The following SETD5 variants were observed in gnomAD, a reference collection of about 807,000 sequenced individuals.
The protein encoded by SETD5 is histone-lysine N-methyltransferase SETD5.
SETD5 carries 44 observed loss-of-function variants against 153.3 expected under a neutral mutation model. That is an observed-to-expected ratio of 0.29 (90% CI 0.23 to 0.37). The LOEUF is 0.37. SETD5 is among the 10% of genes least tolerant of loss of function. The pLI is 1.00. For missense variants in SETD5, 1,544 were observed against 1,768.0 expected (o/e 0.87, Z 2.27); for synonymous variants, 716 against 645.2 (o/e 1.11, Z -1.66).
In SETD5 at chr3:9,473,393, C is replaced by G. The variant is rs1414052508; in HGVS notation, c.3353C>G (p.Ser1118Cys). ...ACTGGTGCCCATGGTGTGCAGGGAT[C>G]CTCAGCCCGAACTCCATCTTCCCCT... ...SDTGAHGVQG[S>C]SARTPSSPHK... The change falls in exon 20 of 23, where the codon TCC (serine) becomes TGC (cysteine). Residue 1118 changes from serine to cysteine, a missense_variant. Transcript: ENST00000402198. 1 of 1,613,794 alleles carries G rather than the reference C, an allele frequency of 6.2e-7. No homozygotes were observed. Among genetic ancestry groups the G allele is most frequent in the Non-Finnish European group, 8.5e-7 (1 of 1,179,884 alleles).
At chr3:9,409,981 A>G (rs558387845) in intron 1 of SETD5, among the ~76,000 whole-genome samples, 1 of 152,184 alleles carries the variant, frequency 6.6e-6, no homozygotes, top group African/African-American at 2.4e-5. Flanking sequence ...TTGTTTTCTC[A>G]TGTCTTTTTG....
intron 16 of SETD5, among the ~76,000 whole-genome samples, chr3:9,450,100 G>A (rs576834738): frequency 1.2e-4 from 19 of 152,286 alleles, no homozygotes; most frequent in Non-Finnish European, 2.4e-4. Flanking sequence ...GAGACTTAAC[G>A]AAAACCAAAA....
intron 17 of SETD5, among the ~76,000 whole-genome samples, chr3:9,463,838 A>G (rs776937781): frequency 6.6e-6 from 1 of 152,242 alleles, no homozygotes; most frequent in Non-Finnish European, 1.5e-5. Flanking sequence ...AACTCAATGT[A>G]AAAGAAAGAA....
chr3:9,466,479 T>C (rs1273235634), intron 18 of SETD5, among the ~76,000 whole-genome samples: 1 of 151,952 alleles, frequency 6.6e-6, no homozygotes, highest in Non-Finnish European at 1.5e-5. Flanking sequence ...ATACAGTCCA[T>C]GCATAATGTT....
chr3:9,421,726 C>A (rs1273052532), intron 1 of SETD5, among the ~76,000 whole-genome samples: 1 of 152,052 alleles, frequency 6.6e-6, no homozygotes, highest in Non-Finnish European at 1.5e-5. Flanking sequence ...CTACTTTAAC[C>A]CTTTTGAAAT....
At chr3:9,447,634 T>A (rs2042168941) in intron 14 of SETD5, 52 bp from the exon 15 acceptor site, 1 of 1,561,024 alleles carries the variant, frequency 6.4e-7, no homozygotes, top group African/African-American at 1.4e-5. Context: ...GAAATTAGAC[T>A]GTTTGCTGAT....
intron 2 of SETD5, among the ~76,000 whole-genome samples, chr3:9,425,726 C>G (rs1484654881): frequency 6.6e-6 from 1 of 152,096 alleles, no homozygotes; most frequent in African/African-American, 2.4e-5. Context: ...CAGGCATATG[C>G]CAACATGCCC....
chr3:9,423,046 C>G (rs560912247), intron 1 of SETD5, among the ~76,000 whole-genome samples: 3 of 152,354 alleles, frequency 2.0e-5, no homozygotes, highest in South Asian at 2.1e-4. Flanking sequence ...GGACTTTTGT[C>G]TGCCAGCTGC....
intron 3 of SETD5, chr3:9,430,593 T>G (rs953771475): frequency 5.2e-6 from 1 of 193,456 alleles, no homozygotes; most frequent in Non-Finnish European, 9.5e-6. Context: ...TAGGTTTTTA[T>G]AAAGTCAGCT....
chr3:9,445,414 A>G, intron 12 of SETD5, 114 bp downstream of exon 12: 2 of 1,151,554 alleles, frequency 1.7e-6, no homozygotes, highest in Non-Finnish European at 2.5e-6. Flanking sequence ...AGTGCCCTTT[A>G]TATCAATGTG....
At chr3:9,469,093 A>T (rs1276193577) in intron 18 of SETD5, among the ~76,000 whole-genome samples, 1 of 152,154 alleles carries the variant, frequency 6.6e-6, no homozygotes, top group African/African-American at 2.4e-5. Context: ...AGGGAAAGTC[A>T]TTCTGTCTTT....
At position 9,429,016 on chromosome 3, in the gene SETD5, G is replaced by C. The variant is rs1408374093; in HGVS notation, c.71+7G>C. 1.9e-6 allele frequency: 3 copies of C among 1,607,976 alleles called. No individual in the cohort carries two copies. In the South Asian group the frequency reaches 3.3e-5, roughly 18 times the overall value. On this transcript the variant is annotated splice_region_variant and intron_variant, in intron 3 of 22. Transcript: ENST00000402198. ...ATATGGCTGCTGGATCAGAGTAAGT[G>C]CTACTTTCTAGGTAGTAGGTACATT...
At chr3:9,441,078 G>C (rs1002972504) in intron 8 of SETD5, among the ~76,000 whole-genome samples, 3 of 151,972 alleles carry the variant, frequency 2.0e-5, no homozygotes, top group African/African-American at 7.3e-5. Flanking sequence ...CCGTTGTGAT[G>C]ATACACACCT....
Position 9,448,026 on chromosome 3 carries a change from T to C in SETD5, c.2103+20T>C. The C allele has an allele frequency of 6.2e-7, 1 of 1,601,620 alleles. No homozygotes were observed. The highest frequency in any genetic ancestry group is 1.1e-5 in the South Asian group (1 of 89,582). On this transcript the variant is annotated intron_variant, in intron 15 of 22. Transcript: ENST00000402198. ...AAAAAGGTAAGTCACAAATGCATCC[T>C]TTATAAGTCCAGTCTGGCAAGGGCT...
At position 9,435,729 on chromosome 3, in the gene SETD5, T is replaced by C. The variant is rs765394937; in HGVS notation, c.390T>C (p.Gly130=). ...AACTATGAAATCATCATTTTTCAGGTGGGGATAGCAGTGCAACAGAAAGCT... is the reference window on the plus strand; with the variant it reads ...AACTATGAAATCATCATTTTTCAGGCGGGGATAGCAGTGCAACAGAAAGCT... The part of the protein sequence containing the change: ...LHRRKQDNIS[G]GDSSATESWD... Residue 130 remains glycine (G), a splice_region_variant and synonymous_variant, in exon 7 of 23, where the codon GGT becomes GGC. Transcript: ENST00000402198. The C allele has an allele frequency of 1.3e-6, 2 of 1,569,178 alleles. No homozygotes were observed. The highest frequency in any genetic ancestry group is 4.0e-5 in the Admixed American group (2 of 50,076).
chr3:9,473,910 C>T (rs564071903), intron 20 of SETD5, among the ~76,000 whole-genome samples: 52 of 152,320 alleles, frequency 3.4e-4, no homozygotes, highest in African/African-American at 1.0e-3. Flanking sequence ...CTCTTCCACA[C>T]AGCTAGCATA....
intron 7 of SETD5, among the ~76,000 whole-genome samples, chr3:9,439,168 G>A (rs868187262): frequency 1.3e-5 from 2 of 152,186 alleles, no homozygotes; most frequent in Non-Finnish European, 2.9e-5. Context: ...CTATTCTTTT[G>A]CGCAACTGCT....
intron 1 of SETD5, among the ~76,000 whole-genome samples, chr3:9,413,697 A>T (rs1036056574): frequency 8.3e-4 from 119 of 144,132 alleles, no homozygotes; most frequent in Middle Eastern, 3.6e-3. Flanking sequence ...TTATTTATTT[A>T]TTTTTTTAAG....
At chr3:9,437,381 A>G (rs1029898983) in intron 7 of SETD5, among the ~76,000 whole-genome samples, 3 of 152,164 alleles carry the variant, frequency 2.0e-5, no homozygotes, top group African/African-American at 7.2e-5. Flanking sequence ...CAAATAAAAG[A>G]GTTTATGAAG....
Sources: allele counts gnomAD v4.1 joint callset (sites outside exome capture counted in the v4.1 genomes callset), GRCh38; gene constraint gnomAD v4.1.1; transcripts MANE v1.5; gene names NCBI Gene and HGNC (gene_info 2026-07-23, HGNC 2026-07-21).